The following TMEM165 variants were observed in gnomAD, a reference collection of about 807,000 sequenced individuals.
TMEM165 encodes the protein putative divalent cation/proton antiporter TMEM165.
In TMEM165, 19 loss-of-function variants were observed where a neutral mutation model predicts 30.0. The observed-to-expected ratio is 0.63, with a 90% CI of 0.44 to 0.93. The LOEUF is 0.93. Among genes scored for constraint, TMEM165 ranks in the 40% least tolerant of loss-of-function variants. TMEM165 has a pLI of 0.00. For synonymous variants in TMEM165, 168 were observed against 162.9 expected (o/e 1.03, Z -0.24); for missense variants, 340 against 417.0 (o/e 0.82, Z 1.61).
chr4:55,398,622 A>G lies in TMEM165; in HGVS notation c.207+2226A>G, dbSNP rs546248728. 6.0e-4 allele frequency among the ~76,000 whole-genome samples: 91 copies of G among 152,112 alleles called. 1 individual carries two copies. The highest frequency in any genetic ancestry group is 2.0e-3 in the African/African-American group (84 of 41,486). On this transcript the variant is annotated intron_variant, in intron 1 of 5. Transcript: ENST00000381334. ...GGAACTTTATTGTGTATGTTGTGGC[A>G]TGTTTACACACACATCTTGCTGCCT... is the stretch of plus-strand genomic sequence containing the variant.
chr4:55,413,606 C>T (rs867507145), intron 2 of TMEM165, among the ~76,000 whole-genome samples: 1 of 152,220 alleles, frequency 6.6e-6, no homozygotes, highest in African/African-American at 2.4e-5. Flanking sequence ...TGAGCTACCA[C>T]GCCTGGCCCC....
chr4:55,443,024 C>A (rs1723500488), intron 3 of TMEM165, among the ~76,000 whole-genome samples: 1 of 152,076 alleles, frequency 6.6e-6, no homozygotes, highest in Non-Finnish European at 1.5e-5. Context: ...ATTCAATAAA[C>A]CATTATGCCC....
chr4:55,420,381 C>T (rs1159115670), intron 4 of TMEM165, among the ~76,000 whole-genome samples: 5 of 151,472 alleles, frequency 3.3e-5, no homozygotes, highest in East Asian at 2.0e-4. Flanking sequence ...TCCCTACCTA[C>T]GAGACACCCT....
chr4:55,413,594 C>T (rs947625704), intron 2 of TMEM165, among the ~76,000 whole-genome samples: 1 of 152,226 alleles, frequency 6.6e-6, no homozygotes, highest in Non-Finnish European at 1.5e-5. Flanking sequence ...CGATTACAGG[C>T]GTGAGCTACC....
At position 55,396,234 on chromosome 4, in the gene TMEM165, G is replaced by A; in HGVS notation, c.45G>A (p.Arg15=). The change falls in exon 1 of 6, where the codon CGG becomes CGA. Residue 15 remains arginine, a synonymous_variant. Coordinates refer to ENST00000381334, the MANE Select transcript of TMEM165 (RefSeq NM_018475.5). ...APGNGRASAP[R]LLLLFLVPLL... ...GGAACGGCCGCGCATCGGCGCCCCG[G>A]CTGCTTCTGCTCTTTCTGGTTCCGC... 1 of 1,478,080 alleles carries A rather than the reference G, an allele frequency of 6.8e-7. No homozygotes were observed. The allele number at this position is 1,478,080 out of a possible 1,614,324, so 91.6% of individuals were successfully genotyped here.
chr4:55,449,255 G>T lies in TMEM165; in HGVS notation c.409-2984G>T, dbSNP rs914229480. 1.1e-4 allele frequency: 82 copies of T among 726,988 alleles called. No homozygotes were observed. The African/African-American group carries it at 1.3e-3, about 11-fold the overall frequency. The allele number at this position is 726,988 out of a possible 1,614,324, so 45.0% of individuals were successfully genotyped here. A position where few individuals can be genotyped will look rare whatever the true frequency, so the allele number is the denominator to read the frequency against. Reference sequence around the variant, plus strand: ...CAACCACTTCATACAAGAAAAGGAAGTCTTAAGTAAGTGTCACATATCAGT... The same window carrying T: ...CAACCACTTCATACAAGAAAAGGAATTCTTAAGTAAGTGTCACATATCAGT... On this transcript the variant is annotated intron_variant, in intron 3 of 3. Coordinates refer to the TMEM165 transcript ENST00000608091.
chr4:55,425,346 T>C, intron 5 of TMEM165, 30 bp from the exon 6 acceptor site: 3 of 1,585,540 alleles, frequency 1.9e-6, no homozygotes, highest in Non-Finnish European at 2.6e-6. Flanking sequence ...GGAATTTTAC[T>C]GTATTTGACT....
At chr4:55,419,272 G>A (rs943478322) in intron 4 of TMEM165, among the ~76,000 whole-genome samples, 7 of 152,106 alleles carry the variant, frequency 4.6e-5, no homozygotes, top group African/African-American at 1.4e-4. Flanking sequence ...GATTATAGGC[G>A]AGAGTCACTG....
At chr4:55,435,175 G>T in intron 3 of TMEM165, 1 of 528,046 alleles carries the variant, frequency 1.9e-6, no homozygotes, top group Non-Finnish European at 3.4e-6. Flanking sequence ...AAATATCCAG[G>T]CACCTAAAAC....
chr4:55,451,790 T>C (rs1724477476), intron 3 of TMEM165, among the ~76,000 whole-genome samples: 2 of 152,210 alleles, frequency 1.3e-5, no homozygotes, highest in South Asian at 4.1e-4. Context: ...ACATACTATG[T>C]CCTCTTCTTC....
At chr4:55,401,920 C>A (rs1721012537) in intron 1 of TMEM165, among the ~76,000 whole-genome samples, 1 of 149,740 alleles carries the variant, frequency 6.7e-6, no homozygotes, top group South Asian at 2.1e-4. Context: ...AGTTCTAGAC[C>A]AGCCTGGCCA....
rs750639132 is a variant in TMEM165, at chr4:55,396,231, C to T, written c.42C>T (p.Pro14=). Residue 14 remains proline, a synonymous_variant, in exon 1 of 6, where the codon CCC becomes CCT. Coordinates refer to ENST00000381334, the MANE Select transcript of TMEM165 (RefSeq NM_018475.5). ...CAGGGAACGGCCGCGCATCGGCGCC[C>T]CGGCTGCTTCTGCTCTTTCTGGTTC... is the stretch of plus-strand genomic sequence containing the variant. ...AAPGNGRASA[P]RLLLLFLVPL... 2.4e-5 allele frequency: 36 copies of T among 1,473,836 alleles called. No homozygotes were observed. The East Asian group carries it at 1.0e-3, about 43-fold the overall frequency. The allele number at this position is 1,473,836 out of a possible 1,614,324, so 91.3% of individuals were successfully genotyped here.
At chr4:55,447,262 G>C (rs1577690842) in intron 3 of TMEM165, among the ~76,000 whole-genome samples, 2 of 152,112 alleles carry the variant, frequency 1.3e-5, no homozygotes, top group African/African-American at 4.8e-5. Flanking sequence ...AGCTACTCGG[G>C]AGACTGAGGC....
intron 3 of TMEM165, among the ~76,000 whole-genome samples, chr4:55,450,879 G>A (rs762497646): frequency 3.3e-5 from 5 of 151,982 alleles, no homozygotes; most frequent in African/African-American, 7.3e-5. Context: ...GAATGCCTGC[G>A]GTGCCAACTA....
intron 1 of TMEM165, 50 bp downstream of exon 1, chr4:55,396,446 A>C: frequency 7.4e-7 from 1 of 1,355,916 alleles, no homozygotes; most frequent in Middle Eastern, 2.4e-4. Context: ...GGCTGCGCCG[A>C]GTACCAGGCT....
At chr4:55,429,676 C>T (rs566374054), downstream of TMEM165, 3 of 152,182 alleles carry the variant, frequency 2.0e-5, no homozygotes, top group Admixed American at 6.5e-5. Flanking sequence ...AAAATAGAGG[C>T]ATCATGTGCC....
At chr4:55,450,111 G>A (rs368399537) in intron 3 of TMEM165, 15 of 1,614,024 alleles carry the variant, frequency 9.3e-6, no homozygotes, top group African/African-American at 2.7e-5. Flanking sequence ...TGAGACGGCC[G>A]TGTGAGATGA....
At chr4:55,440,490 T>C (rs1051391931) in intron 3 of TMEM165, among the ~76,000 whole-genome samples, 4 of 152,226 alleles carry the variant, frequency 2.6e-5, no homozygotes, top group Admixed American at 6.5e-5. Flanking sequence ...ATGACATAAC[T>C]GTATTTACAA....
chr4:55,419,101 CATT>C (rs928924113), intron 4 of TMEM165, among the ~76,000 whole-genome samples: 2 of 151,924 alleles, frequency 1.3e-5, no homozygotes, highest in Non-Finnish European at 2.9e-5. Flanking sequence ...GAAATAAAAA[CATT>C]ATTTTTATTT....
Sources: allele counts gnomAD v4.1 joint callset (sites outside exome capture counted in the v4.1 genomes callset), GRCh38; gene constraint gnomAD v4.1.1; transcripts MANE v1.5; gene names NCBI Gene and HGNC (gene_info 2026-07-23, HGNC 2026-07-21).